Variants in GSE1 observed in about 807,000 individuals in gnomAD.
GSE1 encodes the protein genetic suppressor element 1.
Under a neutral mutation model 112.6 loss-of-function variants are expected in GSE1, and 32 were observed. The ratio of observed to expected loss-of-function variants is 0.28; its 90% confidence interval spans 0.21 to 0.38. GSE1 has a LOEUF of 0.38. GSE1 is among the 10% of genes least tolerant of loss of function. The pLI, the probability that GSE1 is intolerant of heterozygous loss-of-function variation, is 1.00. For missense variants in GSE1, 2,348 were observed against 1,699.2 expected, an observed-to-expected ratio of 1.38 and a Z score of -6.71; for synonymous variants, 1,115 against 735.6, an observed-to-expected ratio of 1.52 and a Z score of -8.35.
intron 1 of GSE1, among the ~76,000 whole-genome samples, chr16:85,620,415 A>G (rs1381886789): frequency 2.0e-5 from 3 of 152,236 alleles, no homozygotes; most frequent in Non-Finnish European, 4.4e-5. Context: ...TGCATTTGAC[A>G]TGTGGTATTT....
chr16:85,337,246 A>T (rs1216003136), intron 1 of GSE1, among the ~76,000 whole-genome samples: 1 of 150,838 alleles, frequency 6.6e-6, no homozygotes, highest in Non-Finnish European at 1.5e-5. Context: ...CCCCCTTAGG[A>T]GGACAGGCCT....
rs557324403 is a variant in GSE1 at position 85,361,319 on chromosome 16, C to A, written c.2464+3676C>A. Among the ~76,000 whole-genome samples, 40 of 111,368 alleles carry A rather than the reference C, an allele frequency of 3.6e-4. 1 individual carries two copies. Among genetic ancestry groups the A allele is most frequent in the Non-Finnish European group, 5.9e-4 (32 of 54,430 alleles). The allele number at this position is 111,368 out of a possible 152,430, so 73.1% of individuals were successfully genotyped here. On this transcript the variant is annotated intron_variant, in intron 2 of 2. Transcript: ENST00000637419. ...CACACAGAGACAGGCACAGACCCCCCCACACACAAACACACACACACACAC... is the reference window on the plus strand; with the variant it reads ...CACACAGAGACAGGCACAGACCCCCACACACACAAACACACACACACACAC...
intron 4 of GSE1, 52 bp downstream of exon 4, chr16:85,654,502 C>G: frequency 5.4e-6 from 8 of 1,474,158 alleles, no homozygotes; most frequent in Non-Finnish European, 7.4e-6. Context: ...GGACACAGTG[C>G]TCAGGGTCTG....
chr16:85,489,490 CA>C (rs1175370395), intron 2 of GSE1, among the ~76,000 whole-genome samples: 1 of 152,088 alleles, frequency 6.6e-6, no homozygotes, highest in Admixed American at 6.5e-5. Flanking sequence ...ATCGCCCTTC[CA>C]AGGAGCAGGG....
chr16:85,650,822 G>A (rs2051273392), intron 3 of GSE1, among the ~76,000 whole-genome samples: 1 of 151,582 alleles, frequency 6.6e-6, no homozygotes, highest in Admixed American at 6.6e-5. Context: ...CTGTGGCCAT[G>A]AGTCTCCGAG....
chr16:85,360,267 T>A lies in GSE1; in HGVS notation c.2464+2624T>A, dbSNP rs150661012. 3.9e-3 allele frequency among the ~76,000 whole-genome samples: 586 copies of A among 150,562 alleles called. 3 individuals carry two copies. The highest frequency in any genetic ancestry group is 0.014 in the African/African-American group (560 of 40,938). Reference sequence around the variant, plus strand: ...TACGTTGGGGGCGGGGGCCTGAGAGTCTGGGGGTGCCAAGAAGGGTGCAGA... The same window carrying A: ...TACGTTGGGGGCGGGGGCCTGAGAGACTGGGGGTGCCAAGAAGGGTGCAGA... On this transcript the variant is annotated intron_variant, in intron 2 of 2. Coordinates refer to the GSE1 transcript ENST00000637419.
At chr16:85,498,209 C>T (rs983604362) in intron 2 of GSE1, among the ~76,000 whole-genome samples, 6 of 152,160 alleles carry the variant, frequency 3.9e-5, no homozygotes, top group Admixed American at 2.6e-4. Context: ...TCCTCCCAGC[C>T]TGTGCCCATC....
chr16:85,596,175 C>T (rs889791837), intron 1 of GSE1, among the ~76,000 whole-genome samples: 2 of 152,084 alleles, frequency 1.3e-5, no homozygotes, highest in Admixed American at 6.5e-5. Context: ...CCTCCCCCAC[C>T]GCTGCATCGC....
At chr16:85,298,462 C>T (rs558537192) in intron 1 of GSE1, among the ~76,000 whole-genome samples, 2 of 152,290 alleles carry the variant, frequency 1.3e-5, no homozygotes, top group Non-Finnish European at 2.9e-5. Context: ...TGGAGTCTCT[C>T]TCTCACCCAG....
At chr16:85,176,944 AC>A (rs2074479467) in intron 1 of GSE1, among the ~76,000 whole-genome samples, 1 of 152,136 alleles carries the variant, frequency 6.6e-6, no homozygotes, top group Non-Finnish European at 1.5e-5. Context: ...CCTGGTCAGG[AC>A]TGATTGGAAG....
intron 1 of GSE1, among the ~76,000 whole-genome samples, chr16:85,173,081 C>A (rs1052276014): frequency 1.3e-5 from 2 of 152,206 alleles, no homozygotes; most frequent in Non-Finnish European, 2.9e-5. Context: ...CTCTCCTCTT[C>A]GGCATATAGC....
chr16:85,346,496 T>G (rs1404628689), intron 1 of GSE1, among the ~76,000 whole-genome samples: 2 of 144,960 alleles, frequency 1.4e-5, no homozygotes, highest in African/African-American at 5.2e-5. Context: ...GATGGACAGG[T>G]AGATAGATGG....
rs1158141129 is a variant in GSE1 at position 85,241,433 on chromosome 16, C to T, written c.2283+69626C>T. Reference sequence around the variant, plus strand: ...GCATTGCATGGCTTCATGCTGGTAGCTTGCAGTCTGCTGTGGTGGGAGTGT... The same window carrying T: ...GCATTGCATGGCTTCATGCTGGTAGTTTGCAGTCTGCTGTGGTGGGAGTGT... On this transcript the variant is annotated intron_variant, in intron 1 of 2. Coordinates refer to the GSE1 transcript ENST00000637419. Among the ~76,000 whole-genome samples the T allele has an allele frequency of 3.3e-5, 5 of 152,210 alleles. No homozygotes were observed. In the East Asian group the frequency reaches 9.6e-4, roughly 29 times the overall value.
At chr16:85,277,793 G>A (rs1909517205) in intron 1 of GSE1, among the ~76,000 whole-genome samples, 1 of 152,242 alleles carries the variant, frequency 6.6e-6, no homozygotes, top group South Asian at 2.1e-4. Flanking sequence ...CTGTGTCTGG[G>A]CCAGCCCTCA....
chr16:85,336,338 G>A (rs1275141891), intron 1 of GSE1, among the ~76,000 whole-genome samples: 2 of 152,228 alleles, frequency 1.3e-5, no homozygotes, highest in Admixed American at 6.5e-5. Flanking sequence ...CCAGGGGATG[G>A]CCCAGACTTT....
rs188197378 is a variant in GSE1, at chr16:85,326,177, G to A, written c.2284-31286G>A. 7.8e-4 allele frequency among the ~76,000 whole-genome samples: 119 copies of A among 152,064 alleles called. 1 individual carries two copies. Among genetic ancestry groups the A allele is most frequent in the Admixed American group, 6.5e-5 (1 of 15,304 alleles). On this transcript the variant is annotated intron_variant, in intron 1 of 2. Transcript: ENST00000637419. ...TCTGGAATCGGTGCCCCCCTGGCTCGTTCAGGATATGGGCTCATCACAACC... is the reference window on the plus strand; with the variant it reads ...TCTGGAATCGGTGCCCCCCTGGCTCATTCAGGATATGGGCTCATCACAACC...
At chr16:85,627,571 G>A (rs1477451586) in intron 1 of GSE1, among the ~76,000 whole-genome samples, 1 of 152,058 alleles carries the variant, frequency 6.6e-6, no homozygotes, top group African/African-American at 2.4e-5. Context: ...AAATAAGAGG[G>A]TGGGGGCCTC....
chr16:85,248,162 C>T (rs974101469), intron 1 of GSE1, among the ~76,000 whole-genome samples: 6 of 152,140 alleles, frequency 3.9e-5, no homozygotes, highest in African/African-American at 1.2e-4. Flanking sequence ...GTGGGGACCC[C>T]GCTGGGCAGG....
intron 9 of GSE1, 44 bp from the exon 10 acceptor site, chr16:85,662,937 A>C: frequency 7.4e-7 from 1 of 1,350,040 alleles, no homozygotes; most frequent in Non-Finnish European, 1.1e-6. Context: ...CACTGGACAG[A>C]TGAAGGCTCT....
Sources: allele counts gnomAD v4.1 joint callset (sites outside exome capture counted in the v4.1 genomes callset), GRCh38; gene constraint gnomAD v4.1.1; transcripts MANE v1.5; gene names NCBI Gene and HGNC (gene_info 2026-07-23, HGNC 2026-07-21).